LRP8: variants seen among roughly 807,000 people sequenced by gnomAD.
LRP8 encodes the protein LDL receptor related protein 8.
A neutral mutation model predicts 111.6 loss-of-function variants in LRP8; 46 were observed. The ratio of observed to expected loss-of-function variants is 0.41; its 90% CI spans 0.33 to 0.53. The LOEUF (loss-of-function observed/expected upper bound fraction) is 0.53, where lower values mean the gene tolerates loss of function less well. Among genes scored for constraint, LRP8 ranks in the 20% least tolerant of loss-of-function variants. The pLI is 0.20. For synonymous variants in LRP8, 464 were observed against 511.2 expected (o/e 0.91, Z 1.24); for missense variants, 959 against 1,297.4 (o/e 0.74, Z 4.01).
At position 53,266,857 on chromosome 1, in the gene LRP8, ATTC is replaced by A. The variant is rs1284812598; in HGVS notation, c.1253-213_1253-211del. The A allele has an allele frequency of 1.1e-5, 6 of 545,438 alleles. No homozygotes were observed. The Admixed American group carries it at 1.8e-4, about 17-fold the overall frequency. The allele number at this position is 545,438 out of a possible 1,614,324, so 33.8% of individuals were successfully genotyped here. A position where few individuals can be genotyped will look rare whatever the true frequency, so the allele number is the denominator to read the frequency against. On this transcript the variant is annotated intron_variant, in intron 8 of 18. Coordinates refer to ENST00000306052, the MANE Select transcript of LRP8 (RefSeq NM_004631.5). The surrounding 1 kb of genome is among the most constrained non-coding windows in gnomAD (Gnocchi z 5.0). ...CACCACGCATAGCAGGAAGATTCTT[ATTC>A]TTTTTATTAGATACAAACTTCTCCA...
chr1:53,295,365 AGGCCAGGGAACAATT>A (rs1649505795), intron 2 of LRP8, among the ~76,000 whole-genome samples: 1 of 152,188 alleles, frequency 6.6e-6, no homozygotes, highest in Admixed American at 6.5e-5. Context: ...GAGCTCCACC[AGGCCAGGGAACAATT>A]GACCCTGGTG....
At position 53,317,640 on chromosome 1, in the gene LRP8, G is replaced by A. The variant is rs923968698; in HGVS notation, c.244+9233C>T. ...GCCATTCCCTGTGCAGGAATCACAG[G>A]CTCAGGAAGGGAAGGGAAACGCTCA... On this transcript the variant is annotated intron_variant, in intron 2 of 18. Coordinates refer to ENST00000306052, the MANE Select transcript of LRP8 (RefSeq NM_004631.5). This position sits in a 1 kb window ranked among gnomAD's most constrained non-coding sequence, Gnocchi z 4.9. Among the ~76,000 whole-genome samples the A allele has an allele frequency of 6.6e-6, 1 of 152,200 alleles. No individual in the cohort carries two copies. The highest frequency in any genetic ancestry group is 2.1e-4 in the South Asian group (1 of 4,826).
chr1:53,322,664 C>A (rs1188954809), intron 2 of LRP8, among the ~76,000 whole-genome samples: 2 of 152,046 alleles, frequency 1.3e-5, no homozygotes, highest in African/African-American at 4.8e-5. Flanking sequence ...GTGGAGTTGC[C>A]CGGTCAGGTG....
At chr1:53,288,930 G>A (rs1648107794) in intron 3 of LRP8, among the ~76,000 whole-genome samples, 1 of 152,118 alleles carries the variant, frequency 6.6e-6, no homozygotes, top group South Asian at 2.1e-4. Context: ...GTAGGGGGCA[G>A]GCCTGGGGCT....
chr1:53,271,821 T>C (rs1646769533), intron 6 of LRP8, among the ~76,000 whole-genome samples: 1 of 151,970 alleles, frequency 6.6e-6, no homozygotes, highest in Admixed American at 6.5e-5. Context: ...GGGAGCCCAC[T>C]TCCCTCCTGG....
At position 53,317,675 on chromosome 1, in the gene LRP8, CCAGG is replaced by C. The variant is rs1653984217; in HGVS notation, c.244+9194_244+9197del. Among the ~76,000 whole-genome samples the C allele has an allele frequency of 6.6e-6, 1 of 152,206 alleles. No individual in the cohort carries two copies. Among genetic ancestry groups the C allele is most frequent in the South Asian group, 2.1e-4 (1 of 4,836 alleles). On this transcript the variant is annotated intron_variant, in intron 2 of 18. Transcript: ENST00000306052. This position sits in a 1 kb window ranked among gnomAD's most constrained non-coding sequence, Gnocchi z 4.9. ...GGAAGGGAAACGCTCATTTTCAGGGCCAGGCTCTGGGCAAAGTACTTTCCTCAGC... is the reference window on the plus strand; with the variant it reads ...GGAAGGGAAACGCTCATTTTCAGGGCCTCTGGGCAAAGTACTTTCCTCAGC...
chr1:53,291,976 G>C (rs74086836), intron 2 of LRP8: 1 of 152,056 alleles, frequency 6.6e-6, no homozygotes, highest in Non-Finnish European at 1.5e-5. Flanking sequence ...GTCTCAGTGC[G>C]GGACACTGAG....
intron 2 of LRP8, among the ~76,000 whole-genome samples, chr1:53,308,541 G>A (rs1409730072): frequency 1.3e-5 from 2 of 152,224 alleles, no homozygotes; most frequent in African/African-American, 4.8e-5. Context: ...TTTGCTGTCA[G>A]GAGCCATGTG....
intron 2 of LRP8, among the ~76,000 whole-genome samples, chr1:53,324,572 GC>G (rs1452290281): frequency 7.2e-5 from 11 of 152,210 alleles, no homozygotes; most frequent in African/African-American, 2.4e-4. Flanking sequence ...CAGCAGCGCC[GC>G]CACCCTTTCC....
Position 53,276,831 on chromosome 1 carries a change from C to T in LRP8, c.744G>A (p.Pro248=). ...SDEAAELCGR[P]GPGATSAPAA... is the part of the protein sequence containing the mutation. ...CGGGCGCGGACGTGGCCCCGGGGCC[C>T]GGACGGCCGCAGAGCTCGGCTGCCT... Residue 248 remains proline, a synonymous_variant, in exon 5 of 19, where the codon CCG becomes CCA. Transcript: ENST00000306052. 7.9e-7 allele frequency: 1 copy of T among 1,273,238 alleles called. No individual in the cohort carries two copies. The highest frequency in any genetic ancestry group is 1.6e-5 in the African/African-American group (1 of 62,442). 78.9% of individuals were successfully genotyped at this position (1,273,238 alleles called of 1,614,324 possible). A position where few individuals can be genotyped will look rare whatever the true frequency, so the allele number is the denominator to read the frequency against.
chr1:53,327,821 G>T lies in LRP8; in HGVS notation c.92C>A (p.Ala31Glu). The change falls in exon 1 of 19, where the codon GCG becomes GAG. Residue 31 changes from alanine to glutamate, a missense_variant. Ala to Glu is a moderately radical substitution (Grantham distance 107). This residue lies in a region of LRP8 where 97 missense variants were observed against 107.5 expected (regional missense o/e 0.90). Coordinates refer to ENST00000306052, the MANE Select transcript of LRP8 (RefSeq NM_004631.5). Reference sequence around the variant, plus strand: ...GCCGAGCAGCGGATCAGCCGCTGCCGCCGCAAGATGCTGGAGCTGCAGCAG... The same window carrying T: ...GCCGAGCAGCGGATCAGCCGCTGCCTCCGCAAGATGCTGGAGCTGCAGCAG... Reference protein sequence around the residue: ...LLLLQLQHLAAAAADPLLGGQ... With the variant: ...LLLLQLQHLAEAAADPLLGGQ... The T allele has an allele frequency of 6.6e-7, 1 of 1,512,242 alleles. No individual in the cohort carries two copies. The highest frequency in any genetic ancestry group is 8.8e-7 in the Non-Finnish European group (1 of 1,136,392). The allele number at this position is 1,512,242 out of a possible 1,614,324, so 93.7% of individuals were successfully genotyped here. A position where few individuals can be genotyped will look rare whatever the true frequency, so the allele number is the denominator to read the frequency against.
Position 53,250,885 on chromosome 1 carries a change from T to G in LRP8, c.2504-23A>C. ...CCACTGGAGGAAGGACACAGGACAC[T>G]GGACCTCCAGCAGGCTCCAACCCAC... On this transcript the variant is annotated intron_variant, in intron 16 of 18. Transcript: ENST00000306052. The surrounding 1 kb of genome is among the most constrained non-coding windows in gnomAD (Gnocchi z 4.6). 1 of 1,612,060 alleles carries G rather than the reference T, an allele frequency of 6.2e-7. No homozygotes were observed. Among genetic ancestry groups the G allele is most frequent in the East Asian group, 2.2e-5 (1 of 44,876 alleles).
At chr1:53,289,453 T>C in intron 3 of LRP8, 114 bp downstream of exon 3, 1 of 1,395,152 alleles carries the variant, frequency 7.2e-7, no homozygotes, top group Non-Finnish European at 9.6e-7. Flanking sequence ...GCGCCCTGAG[T>C]GCGTGGCACA....
rs570614307 is a variant in LRP8 at position 53,266,355 on chromosome 1, C to T, written c.1427+118G>A. On this transcript the variant is annotated intron_variant, in intron 9 of 18. Coordinates refer to ENST00000306052, the MANE Select transcript of LRP8 (RefSeq NM_004631.5). This position sits in a 1 kb window ranked among gnomAD's most constrained non-coding sequence, Gnocchi z 5.0. ...TCCACTGTGATCCTGCATCTCTTCCCAAGTCCCAACTCTGTCCTGAGGAGC... is the reference window on the plus strand; with the variant it reads ...TCCACTGTGATCCTGCATCTCTTCCTAAGTCCCAACTCTGTCCTGAGGAGC... 277 of 1,052,676 alleles carry T rather than the reference C, an allele frequency of 2.6e-4. No homozygotes were observed. Among genetic ancestry groups the T allele is most frequent in the Admixed American group, 4.5e-4 (20 of 43,980 alleles). 65.2% of individuals were successfully genotyped at this position (1,052,676 alleles called of 1,614,324 possible).
intron 2 of LRP8, among the ~76,000 whole-genome samples, chr1:53,326,349 C>T (rs1655121749): frequency 6.6e-6 from 1 of 152,246 alleles, no homozygotes; most frequent in Non-Finnish European, 1.5e-5. Context: ...TCCGTCTGCT[C>T]CGCGATTGGC....
intron 9 of LRP8, among the ~76,000 whole-genome samples, chr1:53,265,008 T>G (rs146116443): frequency 6.6e-6 from 1 of 152,146 alleles, no homozygotes; most frequent in African/African-American, 2.4e-5. Context: ...GCATGTTAGT[T>G]CACTGTGGCA....
chr1:53,260,358 G>C, intron 13 of LRP8, 106 bp downstream of exon 13: 3 of 947,876 alleles, frequency 3.2e-6, no homozygotes. Context: ...ATTATTCCTG[G>C]GGTTGCTGAG....
At chr1:53,272,220 C>G (rs566374486) in intron 6 of LRP8, among the ~76,000 whole-genome samples, 1 of 152,080 alleles carries the variant, frequency 6.6e-6, no homozygotes, top group Admixed American at 6.5e-5. Flanking sequence ...GTCATGGGCC[C>G]GGTTCCAGGA....
intron 15 of LRP8, among the ~76,000 whole-genome samples, chr1:53,255,769 C>T (rs540127449): frequency 1.1e-4 from 17 of 152,136 alleles, no homozygotes; most frequent in Non-Finnish European, 1.5e-4. Context: ...TGACCTTGGG[C>T]AAATTATTAT....
Sources: gnomAD v4.1 joint callset for allele counts (sites outside exome capture counted in the v4.1 genomes callset) on GRCh38, gnomAD v4.1.1 for gene constraint, gnomAD v4.1.1 regional missense constraint, Gnocchi (gnomAD v3.1) non-coding constraint, MANE v1.5 for transcripts, NCBI Gene and HGNC (gene_info 2026-07-23, HGNC 2026-07-21) for gene names.